The following AMY2A variants were observed in gnomAD, a reference collection of about 807,000 sequenced individuals.
AMY2A encodes the protein amylase alpha 2A, also known as pancreatic alpha-amylase.
Under a neutral mutation model 43.0 loss-of-function variants are expected in AMY2A, and 16 were observed. The observed-to-expected ratio is 0.37, with a 90% CI of 0.25 to 0.56. The LOEUF is 0.56. AMY2A is among the 20% of genes least tolerant of loss of function. The pLI is 0.77. For synonymous variants in AMY2A, 70 were observed against 144.6 expected (o/e 0.48, Z 3.70); for missense variants, 212 against 456.8 (o/e 0.46, Z 4.89).
At chr1:103,618,794 T>C in intron 2 of AMY2A, 117 bp from the exon 3 acceptor site, 1 of 1,463,406 alleles carries the variant, frequency 6.8e-7, no homozygotes. Context: ...GGAAAATAAT[T>C]ATAAGATATC....
At chr1:103,617,116 C>A (rs1653097384), upstream of AMY2A, 3 of 961,918 alleles carry the variant, frequency 3.1e-6, no homozygotes, top group African/African-American at 4.9e-5. Context: ...CATTCTGGAT[C>A]TTTAAAGAGA....
intron 7 of AMY2A, among the ~76,000 whole-genome samples, chr1:103,623,651 G>A (rs1235765478): frequency 8.3e-6 from 1 of 119,948 alleles, no homozygotes; most frequent in Non-Finnish European, 1.8e-5. Context: ...ATAAAAATTT[G>A]TTACCTTGTT....
Position 103,618,974 on chromosome 1 carries a change from A to T in AMY2A, c.379A>T (p.Ser127Cys), listed in dbSNP as rs1278895867. 9.2e-6 allele frequency: 13 copies of T among 1,414,986 alleles called. 1 individual carries two copies. The highest frequency in any genetic ancestry group is 1.2e-5 in the Non-Finnish European group (13 of 1,047,530). 87.7% of individuals were successfully genotyped at this position (1,414,986 alleles called of 1,614,324 possible). The stretch of plus-strand genomic sequence containing the variant: ...TGGTAACGCTGTGAGTGCAGGAACA[A>T]GCAGTACCTGTGGAAGTTACTTCAA... ...MCGNAVSAGTSSTCGSYFNPG... is the reference protein window; with the variant it reads ...MCGNAVSAGTCSTCGSYFNPG... The change falls in exon 3 of 10, where the codon AGC (serine) becomes TGC (cysteine). Residue 127 changes from serine (S) to cysteine (C), a missense_variant. Around this residue, in one of 2 missense-constraint regions of AMY2A, gnomAD observed 199 missense variants for 210.6 expected, o/e 0.94. Transcript: ENST00000414303.
At chr1:103,616,817 G>A (rs190622584), upstream of AMY2A, 10 of 215,532 alleles carry the variant, frequency 4.6e-5, no homozygotes, top group East Asian at 5.6e-4. Flanking sequence ...AGTCTGGCTC[G>A]GTGAGTCTGT....
chr1:103,617,263 C>T, upstream of AMY2A: 10 of 1,326,908 alleles, frequency 7.5e-6, 1 homozygote, highest in East Asian at 2.4e-5. Flanking sequence ...AGATGATTTC[C>T]ATGAGAGACT....
rs982696885 is a variant in AMY2A at position 103,617,561 on chromosome 1, C to G, written c.121C>G (p.Leu41Val). Reference protein sequence around the residue: ...LFEWRWVDIALECERYLAPKG... With the variant: ...LFEWRWVDIAVECERYLAPKG... ...TGAATGGCGATGGGTTGATATTGCT[C>G]TTGAATGTGAGCGATATTTAGCTCC... Residue 41 changes from leucine (L) to valine (V), a missense_variant, in exon 1 of 10, where the codon CTT becomes GTT. Physicochemically the swap from Leu to Val is conservative, Grantham distance 32 (BLOSUM62 1). This residue lies in a region of AMY2A where 199 missense variants were observed against 210.6 expected (regional missense o/e 0.94). Coordinates refer to ENST00000414303, the MANE Select transcript of AMY2A (RefSeq NM_000699.4). 6.2e-6 allele frequency: 10 copies of G among 1,600,664 alleles called. 3 individuals are homozygous for G. Among genetic ancestry groups the G allele is most frequent in the Non-Finnish European group, 6.8e-6 (8 of 1,170,864 alleles).
At chr1:103,617,670 A>G in intron 1 of AMY2A, 62 bp downstream of exon 1, 2 of 1,599,888 alleles carry the variant, frequency 1.3e-6, no homozygotes, top group Non-Finnish European at 1.7e-6. Context: ...TAGTATTCTG[A>G]TCTTATCTGT....
At chr1:103,623,455 T>A (rs1570669607) in intron 7 of AMY2A, among the ~76,000 whole-genome samples, 1 of 78,872 alleles carries the variant, frequency 1.3e-5, no homozygotes. Context: ...TTACTGAAAA[T>A]TTTTTAAAAA....
rs2101098645 is a variant in AMY2A at position 103,618,378 on chromosome 1, A to T, written c.315+278A>T. Among the ~76,000 whole-genome samples the T allele has an allele frequency of 1.3e-5, 2 of 150,870 alleles. 1 individual carries two copies. Among genetic ancestry groups the T allele is most frequent in the East Asian group, 3.9e-4 (2 of 5,178 alleles). On this transcript the variant is annotated intron_variant, in intron 2 of 9. Transcript: ENST00000414303. ...TTATAACTGTTCGTATTTCCCGGAAACAATTTACTGGTTAGGAAGTATAAT... is the reference window on the plus strand; with the variant it reads ...TTATAACTGTTCGTATTTCCCGGAATCAATTTACTGGTTAGGAAGTATAAT...
At chr1:103,618,612 C>T (rs1466210270) in intron 2 of AMY2A, among the ~76,000 whole-genome samples, 1 of 150,738 alleles carries the variant, frequency 6.6e-6, no homozygotes, top group Non-Finnish European at 1.5e-5. Flanking sequence ...AACCTTTCCA[C>T]TCTCATCTGA....
At chr1:103,616,655 C>T (rs1217302378), upstream of AMY2A, among the ~76,000 whole-genome samples, 1 of 150,788 alleles carries the variant, frequency 6.6e-6, no homozygotes, top group Non-Finnish European at 1.5e-5. Context: ...TGTCTCCTCT[C>T]AATATCAGCA....
chr1:103,618,591 T>A (rs1183888860), intron 2 of AMY2A, among the ~76,000 whole-genome samples: 1 of 150,726 alleles, frequency 6.6e-6, no homozygotes, highest in South Asian at 2.1e-4. Context: ...CACTGAAATT[T>A]CCAAAACAAT....
rs778319011 is a variant in AMY2A, at chr1:103,619,004, G to A, written c.409G>A (p.Gly137Arg). ...TACCTGTGGAAGTTACTTCAACCCT[G>A]GAAGTAGGGACTTTCCAGCAGTCCC... The part of the protein sequence containing the change: ...SSTCGSYFNP[G>R]SRDFPAVPYS... Residue 137 changes from glycine to arginine, a missense_variant, in exon 3 of 10, where the codon GGA becomes AGA. Around this residue, in one of 2 missense-constraint regions of AMY2A, gnomAD observed 199 missense variants for 210.6 expected, o/e 0.94. Coordinates refer to ENST00000414303, the MANE Select transcript of AMY2A (RefSeq NM_000699.4). 4 of 1,350,184 alleles carry A rather than the reference G, an allele frequency of 3.0e-6. No individual in the cohort carries two copies. 83.6% of individuals were successfully genotyped at this position (1,350,184 alleles called of 1,614,324 possible).
In AMY2A at chr1:103,618,241, GTTTA is replaced by G. The variant is rs377239364; in HGVS notation, c.315+147_315+150del. 223 of 1,341,654 alleles carry G rather than the reference GTTTA, an allele frequency of 1.7e-4. 9 individuals are homozygous for G. The African/African-American group carries it at 2.8e-3, about 17-fold the overall frequency. 83.1% of individuals were successfully genotyped at this position (1,341,654 alleles called of 1,614,324 possible). A position where few individuals can be genotyped will look rare whatever the true frequency, so the allele number is the denominator to read the frequency against. On this transcript the variant is annotated intron_variant, in intron 2 of 9. Coordinates refer to ENST00000414303, the MANE Select transcript of AMY2A (RefSeq NM_000699.4). ...CATAATTTAAAACTCAAAATTAACT[GTTTA>G]TTTATGTTCAACTTTTGTGAATATT...
At chr1:103,623,713 A>G (rs1337806254) in intron 7 of AMY2A, among the ~76,000 whole-genome samples, 153 bp from the exon 8 acceptor site, 1 of 126,722 alleles carries the variant, frequency 7.9e-6, no homozygotes, top group Non-Finnish European at 1.7e-5. Flanking sequence ...AAGACCCAGT[A>G]AAGGGCTATA....
chr1:103,619,490 C>T, intron 3 of AMY2A, 64 bp from the exon 4 acceptor site: 1 of 1,526,194 alleles, frequency 6.6e-7, no homozygotes, highest in Non-Finnish European at 9.1e-7. Flanking sequence ...AATGAATAAT[C>T]CAATGGATTC....
upstream of AMY2A, chr1:103,617,169 G>A (rs899366097): frequency 8.4e-5 from 83 of 988,998 alleles, 2 homozygotes; most frequent in Middle Eastern, 6.6e-4. Flanking sequence ...GAGAACATTA[G>A]GCCCCAGCAA....
Position 103,617,533 on chromosome 1 carries a change from G to A in AMY2A, c.93G>A (p.Leu31=). The change falls in exon 1 of 10, where the codon CTG becomes CTA. Residue 31 remains leucine (L), a synonymous_variant. Transcript: ENST00000414303. ...AAGGACGGACATCTATTGTTCATCT[G>A]TTTGAATGGCGATGGGTTGATATTG... The part of the protein sequence containing the change: ...TQQGRTSIVH[L]FEWRWVDIAL... The A allele has an allele frequency of 6.2e-7, 1 of 1,600,860 alleles. No individual in the cohort carries two copies. The highest frequency in any genetic ancestry group is 8.5e-7 in the Non-Finnish European group (1 of 1,170,878).
intron 3 of AMY2A, 74 bp downstream of exon 3, chr1:103,619,182 AT>A (rs2101099477): frequency 1.7e-6 from 1 of 589,808 alleles, no homozygotes; most frequent in Admixed American, 3.3e-5. Flanking sequence ...AGCTAATTGA[AT>A]TTCATTTAAA....
Sources: allele counts gnomAD v4.1 joint callset (sites outside exome capture counted in the v4.1 genomes callset), GRCh38; gene constraint gnomAD v4.1.1; regional missense constraint gnomAD v4.1.1; transcripts MANE v1.5; gene names NCBI Gene and HGNC (gene_info 2026-07-23, HGNC 2026-07-21).